The following TENM1 variants were observed in gnomAD, a reference collection of about 807,000 sequenced individuals.
TENM1 encodes teneurin transmembrane protein 1.
A neutral mutation model predicts 174.8 loss-of-function variants in TENM1; 35 were observed. That is an observed-to-expected ratio of 0.20 (90% confidence interval 0.15 to 0.27). TENM1 has a LOEUF of 0.27. TENM1 is among the 10% of genes least tolerant of loss of function. The pLI is 1.00. For synonymous variants in TENM1, 781 were observed against 798.7 expected (o/e 0.98, Z 0.37); for missense variants, 1,633 against 2,130.1 (o/e 0.77, Z 4.59).
the TENM1 span, among the ~76,000 whole-genome samples, chrX:125,025,808 C>T: frequency 9.0e-6 from 1 of 110,638 alleles, no homozygotes; most frequent in Non-Finnish European, 1.9e-5. Flanking sequence ...TTTAAAGCAC[C>T]GCTAAATACC....
chrX:124,923,319 C>T (rs1416291675), intron 1 of TENM1, among the ~76,000 whole-genome samples: 1 of 111,625 alleles, frequency 9.0e-6, no homozygotes, highest in Non-Finnish European at 1.9e-5. Flanking sequence ...CCTGGCATAT[C>T]TTCATCTGTT....
chrX:124,785,539 A>C (rs1410630322), intron 3 of TENM1, among the ~76,000 whole-genome samples: 1 of 112,207 alleles, frequency 8.9e-6, no homozygotes, highest in East Asian at 2.8e-4. Context: ...ACAGGAAACA[A>C]TACTTTGACC....
At chrX:125,079,477 C>T in the TENM1 span, among the ~76,000 whole-genome samples, 4 of 112,011 alleles carry the variant, frequency 3.6e-5, no homozygotes, top group East Asian at 5.6e-4. Flanking sequence ...TCTCAATAAT[C>T]ATAATGAAAA....
intron 3 of TENM1, among the ~76,000 whole-genome samples, chrX:124,886,544 TATATAG>T (rs1200560673): frequency 3.8e-4 from 32 of 84,384 alleles, no homozygotes; most frequent in African/African-American, 8.7e-4. Context: ...TATATATATA[TATATAG>T]AGAGAGAGAG....
chrX:125,185,318 C>A, the TENM1 span, among the ~76,000 whole-genome samples: 456 of 112,037 alleles, frequency 4.1e-3, 3 homozygotes, highest in Non-Finnish European at 4.9e-3. Context: ...CTGGCTACTG[C>A]TGTTCCTACA....
chrX:125,199,485 G>A, the TENM1 span, among the ~76,000 whole-genome samples: 2 of 112,126 alleles, frequency 1.8e-5, no homozygotes, highest in African/African-American at 6.5e-5. Context: ...AGCGGGGGTG[G>A]AGAATCCAAT....
At chrX:124,388,817 C>CT (rs1446073794) in intron 28 of TENM1, among the ~76,000 whole-genome samples, 1 of 112,352 alleles carries the variant, frequency 8.9e-6, no homozygotes, top group Non-Finnish European at 1.9e-5. Context: ...GTCGTTCTGT[C>CT]TCTCTAGGCA....
chrX:124,589,364 G>C (rs1306605802), intron 11 of TENM1, among the ~76,000 whole-genome samples: 1 of 106,417 alleles, frequency 9.4e-6, no homozygotes, highest in Non-Finnish European at 2.0e-5. Context: ...TGTTGTTGTT[G>C]TTGTTGTTGT....
At chrX:124,862,187 T>C (rs1213421773) in intron 3 of TENM1, among the ~76,000 whole-genome samples, 1 of 111,819 alleles carries the variant, frequency 8.9e-6, no homozygotes. Flanking sequence ...AAATCAATTG[T>C]GCAAGAAATA....
chrX:124,860,837 T>A (rs1306088442), intron 3 of TENM1, among the ~76,000 whole-genome samples: 2 of 111,867 alleles, frequency 1.8e-5, no homozygotes, highest in Non-Finnish European at 3.8e-5. Context: ...TTTATAAAAT[T>A]ATGATTCTTG....
At chrX:124,806,746 C>T (rs1195930434) in intron 3 of TENM1, among the ~76,000 whole-genome samples, 2 of 111,379 alleles carry the variant, frequency 1.8e-5, no homozygotes, top group Non-Finnish European at 3.8e-5. Context: ...ACAGGAAGCA[C>T]GGCATCAGCA....
At chrX:124,558,460 AC>A (rs1303990293) in intron 14 of TENM1, among the ~76,000 whole-genome samples, 16 of 111,571 alleles carry the variant, frequency 1.4e-4, no homozygotes, top group Non-Finnish European at 2.4e-4. Flanking sequence ...TTTTCCCAAA[AC>A]GGTTCAATTG....
intron 6 of TENM1, 78 bp from the exon 10 acceptor site, chrX:124,653,861 C>G (rs57011699): frequency 0.017 from 14,990 of 858,068 alleles, 126 homozygotes; most frequent in African/African-American, 0.047. Context: ...TTTTCAAGAA[C>G]AGATATATCA....
intron 3 of TENM1, among the ~76,000 whole-genome samples, chrX:124,765,781 T>C (rs2054526238): frequency 8.9e-6 from 1 of 112,049 alleles, no homozygotes; most frequent in South Asian, 3.7e-4. Context: ...TAACTATCTT[T>C]TAGTTTAAAG....
the TENM1 span, among the ~76,000 whole-genome samples, chrX:125,004,004 C>A: frequency 2.7e-5 from 3 of 111,698 alleles, no homozygotes; most frequent in East Asian, 5.6e-4. Flanking sequence ...TTAAGTTAAT[C>A]AATAATAGAA....
rs181469787 is a variant in TENM1 at position 124,806,211 on chromosome X, T to C, written c.536-69014A>G. ...GCAATAGAGAACATCAACAACAGAA[T>C]TGATCATGCTGAAGAAATAATATGT... On this transcript the variant is annotated intron_variant, in intron 3 of 31. Coordinates refer to ENST00000422452, the Ensembl canonical transcript of TENM1. Among the ~76,000 whole-genome samples the C allele has an allele frequency of 2.8e-4, 31 of 111,753 alleles. 1 individual carries two copies. The highest frequency in any genetic ancestry group is 4.1e-4 in the Non-Finnish European group (22 of 53,129).
chrX:124,588,321 A>G (rs1414367837), intron 11 of TENM1, among the ~76,000 whole-genome samples: 15 of 111,151 alleles, frequency 1.3e-4, no homozygotes, highest in African/African-American at 4.6e-4. Flanking sequence ...ACTGGATTAA[A>G]AAAATGTGGC....
At chrX:124,497,875 C>T (rs1201883712) in intron 19 of TENM1, among the ~76,000 whole-genome samples, 1 of 111,715 alleles carries the variant, frequency 9.0e-6, no homozygotes, top group Non-Finnish European at 1.9e-5. Context: ...GAGATACTGA[C>T]TTATGAAAAT....
intron 10 of TENM1, 103 bp from the exon 14 acceptor site, chrX:124,642,094 T>C: frequency 1.7e-6 from 1 of 602,501 alleles, no homozygotes; most frequent in East Asian, 3.2e-5. Context: ...TTTCCTAGTT[T>C]ATATCATCAA....
Sources: gnomAD v4.1 joint callset for allele counts (sites outside exome capture counted in the v4.1 genomes callset) on GRCh38, gnomAD v4.1.1 for gene constraint, MANE v1.5 for transcripts, NCBI Gene and HGNC (gene_info 2026-07-23, HGNC 2026-07-21) for gene names.